The following GSTT4 variants were observed in gnomAD, a reference collection of about 807,000 sequenced individuals.
GSTT4 encodes glutathione S-transferase theta 4, also known as glutathione S-transferase theta-4.
chr22:24,002,282 G>C (rs1159552080), intron 2 of GSTT4, among the ~76,000 whole-genome samples: 2 of 152,268 alleles, frequency 1.3e-5, no homozygotes, highest in African/African-American at 2.4e-5. Flanking sequence ...CAATGAGGGG[G>C]CCAGCAACTA....
downstream of GSTT4, among the ~76,000 whole-genome samples, chr22:23,995,549 A>G (rs2034107943): frequency 1.3e-5 from 2 of 152,144 alleles, no homozygotes; most frequent in East Asian, 1.9e-4. Flanking sequence ...CATTTCTTCC[A>G]TGGATTGTTG....
At chr22:23,997,004 CTCTT>C (rs574375925), downstream of GSTT4, among the ~76,000 whole-genome samples, 10 of 148,228 alleles carry the variant, frequency 6.7e-5, 1 homozygote, top group South Asian at 2.2e-3. Flanking sequence ...ATATTTTAAT[CTCTT>C]TATTTGTTAC....
chr22:24,000,598 G>T (rs1031450018), intron 3 of GSTT4, among the ~76,000 whole-genome samples: 3 of 141,576 alleles, frequency 2.1e-5, no homozygotes, highest in Non-Finnish European at 4.4e-5. Flanking sequence ...TCACTCTGTC[G>T]CCCAGGCTGG....
chr22:24,002,255 C>T (rs1183155671), intron 2 of GSTT4, among the ~76,000 whole-genome samples: 3 of 151,998 alleles, frequency 2.0e-5, no homozygotes, highest in African/African-American at 4.8e-5. Flanking sequence ...AGGGTGAGCC[C>T]GAGGGGGCAG....
chr22:23,994,870 CT>C (rs1456731168), downstream of GSTT4, among the ~76,000 whole-genome samples: 1 of 152,042 alleles, frequency 6.6e-6, no homozygotes, highest in East Asian at 1.9e-4. Flanking sequence ...TACCCTTCCC[CT>C]TGAAGAACTT....
chr22:23,995,143 T>TTTGG (rs2034103992), downstream of GSTT4, among the ~76,000 whole-genome samples: 2 of 142,428 alleles, frequency 1.4e-5, no homozygotes, highest in African/African-American at 5.3e-5. Context: ...GTTTGTTTGT[T>TTTGG]TTTTTTTTGA....
chr22:23,989,975 G>T, the GSTT4 span, among the ~76,000 whole-genome samples: 4 of 150,972 alleles, frequency 2.6e-5, no homozygotes, highest in Non-Finnish European at 5.9e-5. Context: ...GACTCAAGCT[G>T]GTTGTACCAA....
chr22:23,997,362 T>A (rs6004015), downstream of GSTT4, among the ~76,000 whole-genome samples: 37,416 of 151,850 alleles, frequency 0.25, 5,779 homozygotes, highest in African/African-American at 0.47. Context: ...GACTACAGGC[T>A]TGCACCACCA....
chr22:23,997,705 G>C (rs1291828769), downstream of GSTT4, among the ~76,000 whole-genome samples: 3 of 140,504 alleles, frequency 2.1e-5, no homozygotes, highest in Non-Finnish European at 4.7e-5. Flanking sequence ...CTGTTTTCTA[G>C]TGGTGTTGGG....
chr22:23,998,719 A>G lies in GSTT4; in HGVS notation c.549T>C (p.Asn183=), dbSNP rs2034160067. Residue 183 remains asparagine (N), a synonymous_variant, in exon 5 of 5, where the codon AAT becomes AAC. Coordinates refer to ENST00000621179, the MANE Select transcript of GSTT4 (RefSeq NM_001358664.2). ...CTAGCTTGGAGCTGTTGAGGAAGAC[A>G]TTATAGTTGGCTGCCATGGGCTGTA... ...EMMQPMAANY[N]VFLNSSKLAE... The G allele has an allele frequency of 1.3e-5, 2 of 154,820 alleles. No individual in the cohort carries two copies. The highest frequency in any genetic ancestry group is 4.8e-5 in the African/African-American group (2 of 41,620). 9.6% of individuals were successfully genotyped at this position (154,820 alleles called of 1,614,324 possible). A position where few individuals can be genotyped will look rare whatever the true frequency, so the allele number is the denominator to read the frequency against.
chr22:24,002,845 A>AG (rs1246934799), intron 2 of GSTT4, among the ~76,000 whole-genome samples: 1 of 34,480 alleles, frequency 2.9e-5, no homozygotes, highest in African/African-American at 7.1e-5. Flanking sequence ...AAAAAAAAAA[A>AG]AAAAACTTCT....
At chr22:24,005,068 G>C (rs891871900) in intron 1 of GSTT4, 177 bp downstream of exon 1, 1 of 152,342 alleles carries the variant, frequency 6.6e-6, no homozygotes, top group Non-Finnish European at 1.5e-5. Context: ...GGGAGGCTGA[G>C]GCAGGAGACG....
At chr22:23,992,105 T>C in the GSTT4 span, among the ~76,000 whole-genome samples, 3 of 139,458 alleles carry the variant, frequency 2.2e-5, no homozygotes, top group Non-Finnish European at 4.7e-5. Flanking sequence ...AGCAGCCTCC[T>C]TGCCCAGTGC....
chr22:23,995,127 T>G (rs575269162), downstream of GSTT4, among the ~76,000 whole-genome samples: 214 of 152,084 alleles, frequency 1.4e-3, 5 homozygotes, highest in African/African-American at 4.6e-3. Context: ...GACAAGTTTT[T>G]TTTTTGTTTG....
At chr22:23,996,898 G>A (rs1166142420), downstream of GSTT4, among the ~76,000 whole-genome samples, 1 of 152,094 alleles carries the variant, frequency 6.6e-6, no homozygotes, top group Non-Finnish European at 1.5e-5. Flanking sequence ...AAGAGTTTGT[G>A]AAGGCTTTGT....
chr22:24,001,517 G>A (rs1182548911), intron 2 of GSTT4, among the ~76,000 whole-genome samples, 192 bp from the exon 3 acceptor site: 1 of 152,278 alleles, frequency 6.6e-6, no homozygotes, highest in Non-Finnish European at 1.5e-5. Flanking sequence ...CCTGCGGGGT[G>A]AGTAGGAGTT....
the GSTT4 span, among the ~76,000 whole-genome samples, chr22:23,990,440 C>T: frequency 3.0e-4 from 14 of 46,088 alleles, no homozygotes; most frequent in African/African-American, 1.4e-3. Context: ...CAAAATCACG[C>T]GTCTACACAC....
chr22:23,994,452 C>T (rs190069458), downstream of GSTT4, among the ~76,000 whole-genome samples: 309 of 151,642 alleles, frequency 2.0e-3, no homozygotes, highest in Admixed American at 4.2e-3. Context: ...CATTCATCTA[C>T]TTTCTACCTC....
At chr22:24,002,351 G>A (rs1418915692) in intron 2 of GSTT4, among the ~76,000 whole-genome samples, 1 of 152,274 alleles carries the variant, frequency 6.6e-6, no homozygotes, top group African/African-American at 2.4e-5. Context: ...GGAAGGGGAT[G>A]GAGGGGAGAC....
Sources: gnomAD v4.1 joint callset for allele counts (sites outside exome capture counted in the v4.1 genomes callset) on GRCh38, gnomAD v4.1.1 for gene constraint, MANE v1.5 for transcripts, NCBI Gene and HGNC (gene_info 2026-07-23, HGNC 2026-07-21) for gene names.